The following CHM variants were observed in gnomAD, a reference collection of about 807,000 sequenced individuals.
The protein encoded by CHM is rab proteins geranylgeranyltransferase component A 1.
Under a neutral mutation model 49.0 loss-of-function variants are expected in CHM, and 10 were observed. That is an observed-to-expected ratio of 0.20 (90% CI 0.13 to 0.35). The LOEUF (loss-of-function observed/expected upper bound fraction) is 0.35, where lower values mean the gene tolerates loss of function less well. Among genes scored for constraint, CHM ranks in the 10% least tolerant of loss-of-function variants. CHM has a pLI of 1.00. For missense variants in CHM, 455 were observed against 478.4 expected, an observed-to-expected ratio of 0.95 and a Z score of 0.46; for synonymous variants, 184 against 167.5, an observed-to-expected ratio of 1.10 and a Z score of -0.76.
rs751257537 is a variant in CHM, at chrX:85,876,201, T to A, written c.1609+2764A>T. Among the ~76,000 whole-genome samples, 8 of 111,332 alleles carry A rather than the reference T, an allele frequency of 7.2e-5. No individual in the cohort carries two copies. In the South Asian group the frequency reaches 3.0e-3, roughly 42 times the overall value. ...ACTTCACACGTACTAGGATGGCTAT[T>A]ATATAGATTTTTTTTAAAAGGTGAC... On this transcript the variant is annotated intron_variant, in intron 13 of 14. Coordinates refer to ENST00000357749, the MANE Select transcript of CHM (RefSeq NM_000390.4).
At chrX:85,921,100 T>A (rs914376047) in intron 8 of CHM, among the ~76,000 whole-genome samples, 5 of 112,101 alleles carry the variant, frequency 4.5e-5, no homozygotes, top group Non-Finnish European at 7.5e-5. Context: ...GTAATCCATA[T>A]TTTAAAATGT....
chrX:85,881,524 C>T (rs1924760202), intron 12 of CHM, among the ~76,000 whole-genome samples: 1 of 111,885 alleles, frequency 8.9e-6, no homozygotes, highest in South Asian at 3.7e-4. Flanking sequence ...GGGGGCTATG[C>T]AGATTTCCTA....
chrX:85,922,314 T>C (rs1927841084), intron 8 of CHM, among the ~76,000 whole-genome samples: 1 of 112,219 alleles, frequency 8.9e-6, no homozygotes, highest in African/African-American at 3.2e-5. Context: ...CATTCCCCCC[T>C]TTTTTTTCTT....
At chrX:86,008,268 G>A (rs1165172451) in intron 2 of CHM, among the ~76,000 whole-genome samples, 1 of 111,193 alleles carries the variant, frequency 9.0e-6, no homozygotes, top group African/African-American at 3.3e-5. Context: ...CAGGTGGGGG[G>A]CTGGGGGAAG....
chrX:86,044,739 G>A (rs756116187), intron 1 of CHM, among the ~76,000 whole-genome samples: 3 of 111,630 alleles, frequency 2.7e-5, no homozygotes, highest in African/African-American at 9.8e-5. Context: ...CCAAGCTGAA[G>A]AGCACCTTCT....
chrX:85,992,202 G>A (rs1472820217), intron 2 of CHM, among the ~76,000 whole-genome samples: 1 of 111,734 alleles, frequency 8.9e-6, no homozygotes, highest in East Asian at 2.8e-4. Flanking sequence ...ATGAAATCTA[G>A]TTTTTATTTT....
Position 85,862,696 on chromosome X carries a change from A to C in CHM, c.*1934T>G, listed in dbSNP as rs1923427285. 1 of 111,714 alleles carries C rather than the reference A, an allele frequency of 9.0e-6. No individual in the cohort carries two copies. Among genetic ancestry groups the C allele is most frequent in the Admixed American group, 9.5e-5 (1 of 10,484 alleles). 9.2% of individuals were successfully genotyped at this position (111,714 alleles called of 1,213,427 possible). Reference sequence around the variant, plus strand: ...AGCAGCCTGAGAGGCTAGTAAGTTAAGTTCTTCCATTACTCTGGCTTGAAC... The same window carrying C: ...AGCAGCCTGAGAGGCTAGTAAGTTACGTTCTTCCATTACTCTGGCTTGAAC... On this transcript the variant is annotated 3_prime_UTR_variant, in exon 15 of 15. Transcript: ENST00000357749.
intron 8 of CHM, among the ~76,000 whole-genome samples, chrX:85,913,593 G>A (rs960273506): frequency 9.1e-5 from 10 of 110,076 alleles, no homozygotes; most frequent in Non-Finnish European, 1.3e-4. Context: ...GGCCCGAGAA[G>A]AAATGCAGCC....
intron 3 of CHM, among the ~76,000 whole-genome samples, chrX:85,979,353 A>G (rs1197136025): frequency 1.8e-5 from 2 of 111,450 alleles, no homozygotes; most frequent in Non-Finnish European, 3.8e-5. Context: ...GTTGGTCGCT[A>G]GTCATATCAA....
rs778901855 is a variant in CHM at position 85,914,852 on chromosome X, C to A, written c.1167-3514G>T. Among the ~76,000 whole-genome samples, 99 of 110,907 alleles carry A rather than the reference C, an allele frequency of 8.9e-4. 2 individuals carry two copies. In the East Asian group the frequency reaches 0.026, roughly 29 times the overall value. On this transcript the variant is annotated intron_variant, in intron 8 of 14. Coordinates refer to ENST00000357749, the MANE Select transcript of CHM (RefSeq NM_000390.4). The stretch of plus-strand genomic sequence containing the variant: ...TGGGAACACCTCACCTTCTCCAGCA[C>A]AGCAGGTGCTTGACCTCAATAAACC...
At chrX:85,914,304 G>T (rs1927324774) in intron 8 of CHM, among the ~76,000 whole-genome samples, 1 of 110,755 alleles carries the variant, frequency 9.0e-6, no homozygotes, top group Non-Finnish European at 1.9e-5. Flanking sequence ...CCTGGAGATT[G>T]CAAGTCTATC....
intron 2 of CHM, among the ~76,000 whole-genome samples, chrX:86,010,291 C>T (rs1428952161): frequency 2.0e-5 from 2 of 101,084 alleles, no homozygotes; most frequent in African/African-American, 7.4e-5. Context: ...CAACATGGCA[C>T]ATGTATACCT....
At chrX:86,020,820 T>TTA (rs1023188025) in intron 2 of CHM, among the ~76,000 whole-genome samples, 3 of 102,847 alleles carry the variant, frequency 2.9e-5, no homozygotes, top group Admixed American at 2.2e-4. Flanking sequence ...GTAGATGCTC[T>TTA]TATATATATC....
rs193237417 is a variant in CHM, at chrX:85,923,238, A to G, written c.1167-11900T>C. On this transcript the variant is annotated intron_variant, in intron 8 of 14. Transcript: ENST00000357749. ...GATATCTATTGCATAGACTTGCCAC[A>G]AGGATTAAATGGGTTAATACATGTA... is the stretch of plus-strand genomic sequence containing the variant. Among the ~76,000 whole-genome samples, 14 of 112,582 alleles carry G rather than the reference A, an allele frequency of 1.2e-4. No homozygotes were observed. In the Admixed American group the frequency reaches 1.3e-3, roughly 11 times the overall value.
chrX:85,969,451 A>G (rs1930765824), intron 4 of CHM: 1 of 711,682 alleles, frequency 1.4e-6, no homozygotes, highest in African/African-American at 2.4e-5. Context: ...TCCCCACATA[A>G]ACTATGAAAC....
intron 8 of CHM, among the ~76,000 whole-genome samples, chrX:85,928,443 T>A (rs1215403478): frequency 9.0e-6 from 1 of 110,541 alleles, no homozygotes; most frequent in African/African-American, 3.3e-5. Flanking sequence ...CTCGAGAGGC[T>A]GAGGCAGGAG....
intron 1 of CHM, among the ~76,000 whole-genome samples, chrX:86,042,032 A>T (rs1229021083): frequency 9.1e-6 from 1 of 109,851 alleles, no homozygotes; most frequent in Non-Finnish European, 1.9e-5. Context: ...GCACAAACAG[A>T]TATTTGGTAA....
At chrX:85,899,598 A>AT (rs907538699) in intron 11 of CHM, among the ~76,000 whole-genome samples, 3 of 109,588 alleles carry the variant, frequency 2.7e-5, no homozygotes, top group Non-Finnish European at 3.8e-5. Flanking sequence ...GCCATCATGT[A>AT]TTTTTTTAAA....
At chrX:86,023,582 T>C (rs944584958) in intron 2 of CHM, among the ~76,000 whole-genome samples, 6 of 111,540 alleles carry the variant, frequency 5.4e-5, no homozygotes, top group African/African-American at 2.0e-4. Context: ...CTTACTAGAT[T>C]GTGAGTCAGT....
Sources: gnomAD v4.1 joint callset for allele counts (sites outside exome capture counted in the v4.1 genomes callset) on GRCh38, gnomAD v4.1.1 for gene constraint, MANE v1.5 for transcripts, NCBI Gene and HGNC (gene_info 2026-07-23, HGNC 2026-07-21) for gene names.